DLGAP1: variants seen among roughly 807,000 people sequenced by gnomAD.
The protein encoded by DLGAP1 is DLG associated protein 1.
Under a neutral mutation model 90.8 loss-of-function variants are expected in DLGAP1, and 11 were observed. The observed-to-expected ratio is 0.12, with a 90% CI of 0.08 to 0.20. DLGAP1 has a LOEUF of 0.20. Among genes scored for constraint, DLGAP1 ranks in the 10% least tolerant of loss-of-function variants. The probability of loss-of-function intolerance (pLI) is 1.00; values close to 1 mark genes in which losing one functional copy is unlikely to be tolerated. For synonymous variants in DLGAP1, 558 were observed against 540.7 expected (o/e 1.03, Z -0.44); for missense variants, 1,050 against 1,333.8 (o/e 0.79, Z 3.31).
At chr18:4,401,574 A>T (rs1158711533) in intron 1 of DLGAP1, among the ~76,000 whole-genome samples, 3 of 152,218 alleles carry the variant, frequency 2.0e-5, no homozygotes, top group Admixed American at 2.0e-4. Flanking sequence ...CAGCATCTGG[A>T]GATCTTCTTT....
intron 1 of DLGAP1, among the ~76,000 whole-genome samples, chr18:4,242,451 C>G (rs960479141): frequency 7.2e-5 from 11 of 152,190 alleles, no homozygotes; most frequent in Non-Finnish European, 1.2e-4. Context: ...AGCAGCCAGG[C>G]ATTAAGGAGG....
intron 7 of DLGAP1, among the ~76,000 whole-genome samples, chr18:3,693,118 A>G (rs562928302): frequency 3.2e-4 from 48 of 152,324 alleles, no homozygotes; most frequent in African/African-American, 1.0e-3. Context: ...GACAGAGTCT[A>G]TGTCGCTCAG....
At chr18:3,509,976 C>A (rs929830011) in intron 10 of DLGAP1, among the ~76,000 whole-genome samples, 1 of 152,190 alleles carries the variant, frequency 6.6e-6, no homozygotes, top group African/African-American at 2.4e-5. Context: ...CCCCTCCCTC[C>A]GTGATCTCGA....
chr18:4,203,257 A>G (rs965082879), intron 1 of DLGAP1, among the ~76,000 whole-genome samples: 7 of 147,960 alleles, frequency 4.7e-5, no homozygotes, highest in Non-Finnish European at 1.0e-4. Flanking sequence ...CCTGGGCAAC[A>G]GAGAGATTAA....
chr18:3,836,677 G>A (rs1026158186), intron 4 of DLGAP1, among the ~76,000 whole-genome samples: 2 of 152,180 alleles, frequency 1.3e-5, no homozygotes, highest in African/African-American at 4.8e-5. Context: ...TCGCAAGGGT[G>A]GTGAGGTGAA....
At chr18:3,533,066 C>T (rs111712350) in intron 10 of DLGAP1, among the ~76,000 whole-genome samples, 8,639 of 152,016 alleles carry the variant, frequency 0.057, 467 homozygotes, top group African/African-American at 0.14. Context: ...CCGAGGTGGG[C>T]GGATTGCCTG....
At chr18:3,867,926 G>C (rs757737051) in intron 4 of DLGAP1, among the ~76,000 whole-genome samples, 1 of 152,162 alleles carries the variant, frequency 6.6e-6, no homozygotes, top group African/African-American at 2.4e-5. Context: ...TCCATGCAGT[G>C]ATTGCGTAAC....
chr18:3,809,010 G>A (rs1214052041), intron 5 of DLGAP1, among the ~76,000 whole-genome samples: 1 of 152,130 alleles, frequency 6.6e-6, no homozygotes, highest in East Asian at 1.9e-4. Context: ...CTACTCTACT[G>A]TGCCTTGTTC....
At chr18:4,067,177 A>T (rs1019336712) in intron 2 of DLGAP1, among the ~76,000 whole-genome samples, 4 of 152,010 alleles carry the variant, frequency 2.6e-5, no homozygotes, top group African/African-American at 9.7e-5. Context: ...CCTTACCTGA[A>T]GGTGGAGGTT....
intron 1 of DLGAP1, among the ~76,000 whole-genome samples, chr18:4,279,826 A>G (rs1021987046): frequency 3.9e-5 from 6 of 152,194 alleles, no homozygotes; most frequent in African/African-American, 1.4e-4. Flanking sequence ...TTCATTAATT[A>G]TATATGTTGC....
intron 3 of DLGAP1, among the ~76,000 whole-genome samples, chr18:3,947,319 TGTCTG>T (rs2072896349): frequency 6.6e-6 from 1 of 152,270 alleles, no homozygotes; most frequent in Admixed American, 6.5e-5. Flanking sequence ...AAACTAGGCT[TGTCTG>T]ATCATGGTGC....
At chr18:3,994,314 G>A (rs1172867054) in intron 3 of DLGAP1, among the ~76,000 whole-genome samples, 3 of 152,192 alleles carry the variant, frequency 2.0e-5, no homozygotes, top group Admixed American at 6.5e-5. Context: ...TGGGGACCCC[G>A]TTCCTTCCCT....
At chr18:3,919,543 G>T (rs776153154) in intron 3 of DLGAP1, among the ~76,000 whole-genome samples, 1 of 152,154 alleles carries the variant, frequency 6.6e-6, no homozygotes, top group Non-Finnish European at 1.5e-5. Context: ...AGCTAATATG[G>T]CAGTGGTGGA....
At position 3,659,445 on chromosome 18, in the gene DLGAP1, A is replaced by ACCCCC. The variant is rs61527537; in HGVS notation, c.1591+69685_1591+69689dup. On this transcript the variant is annotated intron_variant, in intron 7 of 12. Coordinates refer to ENST00000315677, the MANE Select transcript of DLGAP1 (RefSeq NM_004746.4). ...CACACACACACACACGGATGCTACCACCCCCCGCCGCCCCCACCCCCGGTT... is the reference window on the plus strand; with the variant it reads ...CACACACACACACACGGATGCTACCACCCCCCCCCCCGCCGCCCCCACCCCCGGTT... Among the ~76,000 whole-genome samples the ACCCCC allele has an allele frequency of 8.5e-4, 90 of 105,312 alleles. 2 individuals are homozygous for ACCCCC. The highest frequency in any genetic ancestry group is 3.1e-3 in the African/African-American group (71 of 22,610). The allele number at this position is 105,312 out of a possible 152,430, so 69.1% of individuals were successfully genotyped here.
intron 1 of DLGAP1, among the ~76,000 whole-genome samples, chr18:4,440,806 A>C (rs1567925449): frequency 6.6e-6 from 1 of 152,246 alleles, no homozygotes; most frequent in Non-Finnish European, 1.5e-5. Flanking sequence ...TATTTACAGA[A>C]GGCAGGGATG....
chr18:4,192,350 A>C (rs1036093761), intron 1 of DLGAP1, among the ~76,000 whole-genome samples: 2 of 152,210 alleles, frequency 1.3e-5, no homozygotes, highest in African/African-American at 4.8e-5. Flanking sequence ...CCTTTCAAAG[A>C]AAGAATGAGA....
Position 3,551,675 on chromosome 18 carries a change from TTCC to T in DLGAP1, c.2057+15812_2057+15814del, listed in dbSNP as rs1172458312. ...CTCTTTGTCTCTTTCCTTCTTTCTT[TTCC>T]CTCCCCTCCCTCCCTCCCTCCCTCC... On this transcript the variant is annotated intron_variant, in intron 9 of 12. Coordinates refer to ENST00000315677, the MANE Select transcript of DLGAP1 (RefSeq NM_004746.4). 5.0e-4 allele frequency among the ~76,000 whole-genome samples: 28 copies of T among 56,132 alleles called. 8 individuals are homozygous for T. Among genetic ancestry groups the T allele is most frequent in the East Asian group, 1.0e-3 (2 of 1,930 alleles). The allele number at this position is 56,132 out of a possible 152,430, so 36.8% of individuals were successfully genotyped here. A position where few individuals can be genotyped will look rare whatever the true frequency, so the allele number is the denominator to read the frequency against.
chr18:4,444,131 C>T (rs1303071651), intron 1 of DLGAP1, among the ~76,000 whole-genome samples: 4 of 152,178 alleles, frequency 2.6e-5, no homozygotes, highest in African/African-American at 9.7e-5. Context: ...CTCCACCTGC[C>T]GGTGTGCAGC....
intron 3 of DLGAP1, among the ~76,000 whole-genome samples, chr18:4,002,793 C>T (rs976139190): frequency 1.3e-5 from 2 of 152,130 alleles, no homozygotes; most frequent in Admixed American, 1.3e-4. Context: ...GTCATATTGA[C>T]GTCCATGCAT....
Sources: gnomAD v4.1 joint callset for allele counts (sites outside exome capture counted in the v4.1 genomes callset) on GRCh38, gnomAD v4.1.1 for gene constraint, MANE v1.5 for transcripts, NCBI Gene and HGNC (gene_info 2026-07-23, HGNC 2026-07-21) for gene names.